The following SHISA9 variants were observed in gnomAD, a reference collection of about 807,000 sequenced individuals.
SHISA9 encodes protein shisa-9.
In SHISA9, 13 loss-of-function variants were observed where a neutral mutation model predicts 38.0. The observed-to-expected ratio is 0.34, with a 90% confidence interval of 0.22 to 0.54. The LOEUF is 0.54. Ranked by LOEUF, SHISA9 falls within the 20% of genes least tolerant of loss-of-function variation. The pLI, the probability that SHISA9 is intolerant of heterozygous loss-of-function variation, is 0.91. For missense variants in SHISA9, 538 were observed against 575.8 expected, an observed-to-expected ratio of 0.93 and a Z score of 0.67; for synonymous variants, 275 against 242.0, an observed-to-expected ratio of 1.14 and a Z score of -1.27.
the SHISA9 span, among the ~76,000 whole-genome samples, chr16:13,398,416 G>A: frequency 1.3e-5 from 2 of 151,904 alleles, no homozygotes; most frequent in African/African-American, 4.8e-5. Context: ...AGGGTCAGCT[G>A]TATATAGGAA....
the SHISA9 span, among the ~76,000 whole-genome samples, chr16:13,479,228 A>T: frequency 3.3e-5 from 5 of 152,226 alleles, no homozygotes; most frequent in Non-Finnish European, 7.4e-5. Context: ...GGCCCCTGTG[A>T]TTACTGTGAG....
chr16:12,914,473 C>T (rs965775357), intron 1 of SHISA9, among the ~76,000 whole-genome samples: 2 of 152,126 alleles, frequency 1.3e-5, no homozygotes, highest in African/African-American at 2.4e-5. Flanking sequence ...TAGTGCATGG[C>T]ACATAGTAGA....
At chr16:13,531,314 A>T in the SHISA9 span, among the ~76,000 whole-genome samples, 1 of 152,198 alleles carries the variant, frequency 6.6e-6, no homozygotes, top group African/African-American at 2.4e-5. Flanking sequence ...CCATCACACC[A>T]GCAATAATAA....
At chr16:12,989,949 G>A (rs1041808746) in intron 2 of SHISA9, among the ~76,000 whole-genome samples, 6 of 152,106 alleles carry the variant, frequency 3.9e-5, no homozygotes, top group Non-Finnish European at 7.4e-5. Context: ...CCTCCTGACA[G>A]ACCCTGGTGT....
At chr16:13,177,789 C>A (rs1051596970) in intron 2 of SHISA9, among the ~76,000 whole-genome samples, 2 of 152,160 alleles carry the variant, frequency 1.3e-5, no homozygotes, top group African/African-American at 4.8e-5. Context: ...CCTGCCTCAG[C>A]CTCCCGAGTA....
At chr16:13,468,214 C>T in the SHISA9 span, among the ~76,000 whole-genome samples, 2 of 152,176 alleles carry the variant, frequency 1.3e-5, no homozygotes, top group Non-Finnish European at 2.9e-5. Flanking sequence ...TAGATCCACT[C>T]CACAGAAAGC....
At chr16:13,318,136 A>C in the SHISA9 span, among the ~76,000 whole-genome samples, 2 of 152,058 alleles carry the variant, frequency 1.3e-5, no homozygotes, top group African/African-American at 4.8e-5. Context: ...TTAAGTTGTA[A>C]ACAATAGGTC....
At chr16:13,120,048 G>T (rs1214972809) in intron 2 of SHISA9, among the ~76,000 whole-genome samples, 1 of 152,126 alleles carries the variant, frequency 6.6e-6, no homozygotes, top group Non-Finnish European at 1.5e-5. Context: ...GGTGGGCATG[G>T]GGTGATCAGA....
chr16:13,204,585 G>T (rs2051045133), intron 3 of SHISA9, among the ~76,000 whole-genome samples: 1 of 152,188 alleles, frequency 6.6e-6, no homozygotes, highest in South Asian at 2.1e-4. Flanking sequence ...TAAGAAGTTG[G>T]TAAACAATGC....
intron 2 of SHISA9, among the ~76,000 whole-genome samples, chr16:13,027,050 T>C (rs2072931267): frequency 6.6e-6 from 1 of 152,212 alleles, no homozygotes; most frequent in Admixed American, 6.5e-5. Flanking sequence ...CCTCCCCCAC[T>C]GCTGTATCTG....
At chr16:13,068,508 G>C (rs1026095159) in intron 2 of SHISA9, among the ~76,000 whole-genome samples, 4 of 152,240 alleles carry the variant, frequency 2.6e-5, no homozygotes, top group African/African-American at 7.2e-5. Flanking sequence ...ACAGCAGTTA[G>C]TCTAGTTTAG....
the SHISA9 span, among the ~76,000 whole-genome samples, chr16:13,441,760 C>G: frequency 1.3e-5 from 2 of 152,132 alleles, no homozygotes; most frequent in Non-Finnish European, 2.9e-5. Context: ...CTGGTGCCGT[C>G]CCTATTGAAG....
At chr16:13,181,755 G>T (rs1420131282) in intron 2 of SHISA9, among the ~76,000 whole-genome samples, 1 of 151,868 alleles carries the variant, frequency 6.6e-6, no homozygotes, top group African/African-American at 2.4e-5. Flanking sequence ...CTAAAGAGGG[G>T]GTGATGGAGA....
the SHISA9 span, among the ~76,000 whole-genome samples, chr16:13,392,067 G>T: frequency 6.6e-6 from 1 of 152,140 alleles, no homozygotes; most frequent in Non-Finnish European, 1.5e-5. Flanking sequence ...GTGTGCAGCA[G>T]GGCAGCTTTC....
At chr16:12,971,160 T>G (rs4781368) in intron 2 of SHISA9, among the ~76,000 whole-genome samples, 55,756 of 152,080 alleles carry the variant, frequency 0.37, 10,420 homozygotes, top group Middle Eastern at 0.5. Flanking sequence ...CAGCCTAAAC[T>G]TCAAGACTAA....
chr16:13,128,033 G>T (rs1377554089), intron 2 of SHISA9, among the ~76,000 whole-genome samples: 4 of 152,186 alleles, frequency 2.6e-5, no homozygotes. Flanking sequence ...GGTGCATACA[G>T]ACTGTGCTAT....
At chr16:13,183,716 C>G (rs1305930496) in intron 2 of SHISA9, among the ~76,000 whole-genome samples, 1 of 152,218 alleles carries the variant, frequency 6.6e-6, no homozygotes, top group Non-Finnish European at 1.5e-5. Flanking sequence ...TTCAGGTATG[C>G]AATGTACTCT....
chr16:13,155,123 G>A (rs148545614), intron 2 of SHISA9, among the ~76,000 whole-genome samples: 3 of 152,308 alleles, frequency 2.0e-5, no homozygotes, highest in Non-Finnish European at 4.4e-5. Context: ...AATGGAAGAG[G>A]CTGAGTTGCA....
intron 2 of SHISA9, among the ~76,000 whole-genome samples, chr16:13,108,776 A>T (rs1184326854): frequency 5.9e-5 from 9 of 152,230 alleles, no homozygotes; most frequent in Non-Finnish European, 1.2e-4. Context: ...TATTTATTTA[A>T]GAATTTTTAA....
Sources: gnomAD v4.1 joint callset for allele counts (sites outside exome capture counted in the v4.1 genomes callset) on GRCh38, gnomAD v4.1.1 for gene constraint, MANE v1.5 for transcripts, NCBI Gene and HGNC (gene_info 2026-07-23, HGNC 2026-07-21) for gene names.